CENPU: variants seen among roughly 807,000 people sequenced by gnomAD.
The protein encoded by CENPU is centromere protein U.
Under a neutral mutation model 56.7 loss-of-function variants are expected in CENPU, and 46 were observed. The ratio of observed to expected loss-of-function variants is 0.81; its 90% confidence interval spans 0.64 to 1.04. The LOEUF (loss-of-function observed/expected upper bound fraction) is 1.04. Among genes scored for constraint, CENPU ranks in the 50% least tolerant of loss-of-function variants. The pLI, the probability that CENPU is intolerant of heterozygous loss-of-function variation, is 0.00. For synonymous variants in CENPU, 166 were observed against 163.0 expected (o/e 1.02, Z -0.14); for missense variants, 510 against 490.1 (o/e 1.04, Z -0.38).
chr4:184,726,977 G>T (rs1380002239), intron 3 of CENPU, among the ~76,000 whole-genome samples: 1 of 88,966 alleles, frequency 1.1e-5, no homozygotes, highest in East Asian at 2.9e-4. Context: ...TGGGGGGTGG[G>T]GGGGGGGGGC....
At chr4:184,724,930 A>C in intron 4 of CENPU, 27 bp downstream of exon 4, 2 of 1,406,294 alleles carry the variant, frequency 1.4e-6, no homozygotes, top group South Asian at 2.4e-5. Context: ...AACCATGAAT[A>C]AACAATTGCT....
intron 7 of CENPU, 54 bp downstream of exon 7, chr4:184,712,890 T>C: frequency 2.4e-6 from 3 of 1,233,318 alleles, no homozygotes; most frequent in Non-Finnish European, 3.5e-6. Flanking sequence ...TAGGGTCTTA[T>C]TTCTCTTATG....
At position 184,724,994 on chromosome 4, in the gene CENPU, G is replaced by C. The variant is rs1761405469; in HGVS notation, c.283C>G (p.Leu95Val). Residue 95 changes from leucine (L) to valine (V), a missense_variant, in exon 4 of 13, where the codon CTC becomes GTC. Transcript: ENST00000281453. ...TCTTTTCCTGGAGGAGTTGAAGAGAGAGACAGTCCACAATGTTTGGAGAAT... is the reference window on the plus strand; with the variant it reads ...TCTTTTCCTGGAGGAGTTGAAGAGACAGACAGTCCACAATGTTTGGAGAAT... ...EEFSKHCGLS[L>V]SSTPPGKEAK... 3.7e-6 allele frequency: 6 copies of C among 1,613,132 alleles called. No homozygotes were observed. The highest frequency in any genetic ancestry group is 2.2e-5 in the East Asian group (1 of 44,796).
intron 4 of CENPU, among the ~76,000 whole-genome samples, chr4:184,718,877 G>A (rs1761182478): frequency 6.6e-6 from 1 of 152,162 alleles, no homozygotes; most frequent in South Asian, 2.1e-4. Context: ...TGTTGAGTGA[G>A]GTGCCTGTGG....
At chr4:184,733,764 C>T (rs887098527) in intron 1 of CENPU, among the ~76,000 whole-genome samples, 3 of 152,262 alleles carry the variant, frequency 2.0e-5, no homozygotes, top group Admixed American at 6.5e-5. Flanking sequence ...TCCCCCTCCC[C>T]ACAAAACGAC....
chr4:184,704,553 T>A (rs756968674), intron 8 of CENPU, among the ~76,000 whole-genome samples: 1 of 150,526 alleles, frequency 6.6e-6, no homozygotes, highest in African/African-American at 2.5e-5. Context: ...TCAGAACACA[T>A]CCCCGTTGTT....
At position 184,724,992 on chromosome 4, in the gene CENPU, G is replaced by A; in HGVS notation, c.285C>T (p.Leu95=). The part of the protein sequence containing the change: ...EEFSKHCGLS[L]SSTPPGKEAK... The stretch of plus-strand genomic sequence containing the variant: ...CTTCTTTTCCTGGAGGAGTTGAAGA[G>A]AGAGACAGTCCACAATGTTTGGAGA... The change falls in exon 4 of 13, where the codon CTC becomes CTT. Residue 95 remains leucine, a synonymous_variant. Transcript: ENST00000281453. The A allele has an allele frequency of 6.2e-7, 1 of 1,612,994 alleles. No individual in the cohort carries two copies. The highest frequency in any genetic ancestry group is 8.5e-7 in the Non-Finnish European group (1 of 1,179,324).
At chr4:184,696,619 C>T (rs1305961086) in intron 12 of CENPU, among the ~76,000 whole-genome samples, 1 of 151,884 alleles carries the variant, frequency 6.6e-6, no homozygotes, top group Non-Finnish European at 1.5e-5. Context: ...TAATTTAGAT[C>T]AGTGTCAAAA....
intron 11 of CENPU, chr4:184,699,734 C>T (rs1175351318): frequency 1.5e-6 from 1 of 653,496 alleles, no homozygotes; most frequent in African/African-American, 1.9e-5. Context: ...AATCTCGGCT[C>T]CCTGCAACCT....
At chr4:184,709,683 A>T (rs927340450) in intron 8 of CENPU, among the ~76,000 whole-genome samples, 1 of 152,084 alleles carries the variant, frequency 6.6e-6, no homozygotes, top group African/African-American at 2.4e-5. Flanking sequence ...AATGAATAGA[A>T]GTACCAAGAA....
intron 4 of CENPU, 116 bp downstream of exon 4, chr4:184,724,841 T>C: frequency 1.6e-6 from 1 of 636,854 alleles, no homozygotes; most frequent in Non-Finnish European, 2.7e-6. Flanking sequence ...AGAAAAAGCA[T>C]AACAAGTTGG....
chr4:184,704,584 C>CATATGACTGAATAT (rs370991854), intron 8 of CENPU, among the ~76,000 whole-genome samples: 1,099 of 105,484 alleles, frequency 0.01, 15 homozygotes, highest in African/African-American at 0.042. Context: ...AATGTGTATA[C>CATATGACTGAATAT]ATGACTGAAT....
chr4:184,699,746 C>T (rs62339898), intron 11 of CENPU: 23,590 of 561,544 alleles, frequency 0.042, 685 homozygotes, highest in East Asian at 0.097. Context: ...CTGCAACCTC[C>T]GCCTCCCAGG....
In CENPU at chr4:184,724,719, A is replaced by G. The variant is rs1003385035; in HGVS notation, c.320+238T>C. On this transcript the variant is annotated intron_variant, in intron 4 of 12. Coordinates refer to ENST00000281453, the MANE Select transcript of CENPU (RefSeq NM_024629.4). ...TTCTTATTTGACTCAAAGCTAAACT[A>G]TCTTCCCAGGCATGATTTCTAGGAT... Among the ~76,000 whole-genome samples, 4 of 152,208 alleles carry G rather than the reference A, an allele frequency of 2.6e-5. No individual in the cohort carries two copies. The South Asian group carries it at 6.2e-4, about 24-fold the overall frequency.
intron 4 of CENPU, among the ~76,000 whole-genome samples, chr4:184,717,941 C>T (rs35397385): frequency 0.18 from 27,120 of 152,208 alleles, 2,711 homozygotes; most frequent in African/African-American, 0.26. Context: ...TGTAAAACAG[C>T]CCAGCATGTT....
intron 3 of CENPU, among the ~76,000 whole-genome samples, chr4:184,725,925 T>G (rs1465037321): frequency 1.3e-5 from 2 of 152,132 alleles, no homozygotes; most frequent in African/African-American, 4.8e-5. Flanking sequence ...GACCCAGGAC[T>G]TAACGCAGGG....
In CENPU at chr4:184,729,969, T is replaced by C. The variant is rs977595719; in HGVS notation, c.97-934A>G. ...TAAAATTGGCAAACCATATAAAAACTTGACCATTCAGATGCCCCCAGTGAA... is the reference window on the plus strand; with the variant it reads ...TAAAATTGGCAAACCATATAAAAACCTGACCATTCAGATGCCCCCAGTGAA... On this transcript the variant is annotated intron_variant, in intron 2 of 12. Coordinates refer to ENST00000281453, the MANE Select transcript of CENPU (RefSeq NM_024629.4). Among the ~76,000 whole-genome samples the C allele has an allele frequency of 6.2e-4, 94 of 152,212 alleles. 1 individual carries two copies. Among genetic ancestry groups the C allele is most frequent in the Non-Finnish European group, 2.9e-4 (20 of 68,036 alleles).
chr4:184,700,304 A>G (rs1438766626), intron 11 of CENPU, among the ~76,000 whole-genome samples: 1 of 152,184 alleles, frequency 6.6e-6, no homozygotes, highest in Admixed American at 6.5e-5. Context: ...TAACATAAAC[A>G]ATTGTCAACA....
At chr4:184,730,826 C>A in intron 2 of CENPU, 94 bp downstream of exon 2, 2 of 843,650 alleles carry the variant, frequency 2.4e-6, no homozygotes, top group South Asian at 1.8e-5. Context: ...AAACATTGAA[C>A]TTGCCAAGTG....
Sources: gnomAD v4.1 joint callset for allele counts (sites outside exome capture counted in the v4.1 genomes callset) on GRCh38, gnomAD v4.1.1 for gene constraint, MANE v1.5 for transcripts, NCBI Gene and HGNC (gene_info 2026-07-23, HGNC 2026-07-21) for gene names.